ANGPTL3: variants seen among roughly 807,000 people sequenced by gnomAD.
ANGPTL3 encodes angiopoietin-related protein 3.
ANGPTL3 carries 51 observed loss-of-function variants against 52.7 expected under a neutral mutation model. The observed-to-expected ratio is 0.97, with a 90% CI of 0.77 to 1.22. ANGPTL3 has a LOEUF of 1.22. ANGPTL3 is among the 50% of genes most tolerant of loss of function. The pLI is 0.00. For synonymous variants in ANGPTL3, 185 were observed against 179.8 expected (o/e 1.03, Z -0.23); for missense variants, 506 against 520.7 (o/e 0.97, Z 0.27).
At chr1:62,600,191 C>A (rs1649905437) in intron 2 of ANGPTL3, among the ~76,000 whole-genome samples, 1 of 151,590 alleles carries the variant, frequency 6.6e-6, no homozygotes, top group Non-Finnish European at 1.5e-5. Context: ...TAGTAATATA[C>A]ATTGTGTCTA....
intron 1 of ANGPTL3, among the ~76,000 whole-genome samples, chr1:62,598,324 C>T (rs888263142): frequency 1.3e-5 from 2 of 151,674 alleles, no homozygotes; most frequent in Admixed American, 6.6e-5. Flanking sequence ...ATCTAGAACA[C>T]TATGTCATTA....
chr1:62,598,169 AC>A (rs1649571794), intron 1 of ANGPTL3, 108 bp downstream of exon 1: 3 of 1,080,718 alleles, frequency 2.8e-6, no homozygotes, highest in Admixed American at 6.1e-5. Context: ...TTGTTGAAAT[AC>A]TTTTTTTTCC....
At chr1:62,599,721 C>T (rs1050523095) in intron 2 of ANGPTL3, among the ~76,000 whole-genome samples, 2 of 151,878 alleles carry the variant, frequency 1.3e-5, no homozygotes, top group African/African-American at 4.8e-5. Flanking sequence ...GAAGCGTGTG[C>T]TATGATTATT....
intron 4 of ANGPTL3, 52 bp downstream of exon 4, chr1:62,601,934 C>T (rs752008847): frequency 1.7e-5 from 19 of 1,130,528 alleles, no homozygotes; most frequent in East Asian, 7.1e-5. Context: ...TTACTCATTA[C>T]GTATTAGGAA....
intron 2 of ANGPTL3, 73 bp from the exon 3 acceptor site, chr1:62,601,009 C>A: frequency 1.1e-6 from 1 of 873,864 alleles, no homozygotes. Context: ...GTACTTCTGA[C>A]ATCCTTACTC....
Position 62,603,956 on chromosome 1 carries a change from CT to C in ANGPTL3, c.932-9del, listed in dbSNP as rs1650538121. 1.2e-6 allele frequency: 2 copies of C among 1,611,626 alleles called. No individual in the cohort carries two copies. The highest frequency in any genetic ancestry group is 1.7e-6 in the Non-Finnish European group (2 of 1,178,446). On this transcript the variant is annotated splice_polypyrimidine_tract_variant and intron_variant, in intron 5 of 6. Coordinates refer to ENST00000371129, the MANE Select transcript of ANGPTL3 (RefSeq NM_014495.4). ...CTTAATAACTCACAGATTTTTAAAA[CT>C]TTTCTTTTCAGGAGAATTTTGGTTG...
chr1:62,600,533 A>T (rs1394852226), intron 2 of ANGPTL3, among the ~76,000 whole-genome samples: 1 of 151,858 alleles, frequency 6.6e-6, no homozygotes. Flanking sequence ...TTAAATAAAA[A>T]TAAAATGTTA....
In ANGPTL3 at chr1:62,604,216, C is replaced by G; in HGVS notation, c.1179C>G (p.Asn393Lys). The G allele has an allele frequency of 6.2e-7, 1 of 1,613,266 alleles. No individual in the cohort carries two copies. Among genetic ancestry groups the G allele is most frequent in the Non-Finnish European group, 8.5e-7 (1 of 1,179,336 alleles). Reference protein sequence around the residue: ...TWDHKAKGHFNCPEGYSGGWW... With the variant: ...TWDHKAKGHFKCPEGYSGGWW... ...ATCACAAAGCAAAAGGACACTTCAA[C>G]TGTCCAGAGGGTTATTCAGGTATCT... The change falls in exon 6 of 7, where the codon AAC becomes AAG. Residue 393 changes from asparagine (N) to lysine (K), a missense_variant. By Grantham distance (94) the Asn-to-Lys change is moderately conservative (BLOSUM62 0). Coordinates refer to ENST00000371129, the MANE Select transcript of ANGPTL3 (RefSeq NM_014495.4).
chr1:62,604,141 T>C lies in ANGPTL3; in HGVS notation c.1104T>C (p.Asn368=), dbSNP rs777246274. The C allele has an allele frequency of 1.8e-5, 29 of 1,613,448 alleles. No homozygotes were observed. The highest frequency in any genetic ancestry group is 2.4e-5 in the Non-Finnish European group (28 of 1,179,494). Residue 368 remains asparagine (N), a synonymous_variant, in exon 6 of 7, where the codon AAT becomes AAC. Transcript: ENST00000371129. ...YTLHLVAITG[N]VPNAIPENKD... ...TACATCTAGTTGCGATTACTGGCAA[T>C]GTCCCCAATGCAATCCCGGAAAACA...
At chr1:62,603,303 T>A (rs1650429021) in intron 5 of ANGPTL3, among the ~76,000 whole-genome samples, 1 of 151,730 alleles carries the variant, frequency 6.6e-6, no homozygotes, top group South Asian at 2.1e-4. Context: ...ATAGTGAATG[T>A]TTAATGAAAA....
Position 62,604,866 on chromosome 1 carries a change from AGTTAATGTG to A in ANGPTL3, c.*52_*60del, listed in dbSNP as rs34483103. ...TAATTTAAACATTAACCTCATTCCA[AGTTAATGTG>A]GTCTAATAATCTGGTATTAAATCCT... is the stretch of plus-strand genomic sequence containing the variant. On this transcript the variant is annotated 3_prime_UTR_variant, in exon 7 of 7. Transcript: ENST00000371129. 535,812 of 1,562,448 alleles carry A rather than the reference AGTTAATGTG, an allele frequency of 0.34. 94,146 individuals carry two copies. The highest frequency in any genetic ancestry group is 0.43 in the South Asian group (38,869 of 89,534).
chr1:62,598,845 C>T (rs763866504), intron 2 of ANGPTL3, 39 bp downstream of exon 2: 23 of 1,255,236 alleles, frequency 1.8e-5, no homozygotes, highest in Non-Finnish European at 2.6e-5. Context: ...ATCTTTCACA[C>T]AGGTCTGTAA....
chr1:62,604,460 T>C, intron 6 of ANGPTL3, 173 bp from the exon 7 acceptor site: 1 of 899,370 alleles, frequency 1.1e-6, no homozygotes, highest in Non-Finnish European at 1.7e-6. Context: ...GTGTATAGAT[T>C]ATTTATACAG....
chr1:62,601,529 C>T (rs1229925186), intron 3 of ANGPTL3, among the ~76,000 whole-genome samples: 1 of 151,568 alleles, frequency 6.6e-6, no homozygotes, highest in Non-Finnish European at 1.5e-5. Context: ...GGACTCCAGA[C>T]TGGTGATAGA....
intron 2 of ANGPTL3, 97 bp downstream of exon 2, chr1:62,598,903 T>C: frequency 1.3e-6 from 1 of 770,900 alleles, no homozygotes; most frequent in Non-Finnish European, 2.3e-6. Context: ...GGATCATGAG[T>C]AAAATTATCA....
At chr1:62,599,900 ATATT>A (rs1649856983) in intron 2 of ANGPTL3, among the ~76,000 whole-genome samples, 1 of 152,012 alleles carries the variant, frequency 6.6e-6, no homozygotes, top group Admixed American at 6.6e-5. Flanking sequence ...TAGTTTAAAA[ATATT>A]AATAATACTC....
rs1650803013 is a variant in ANGPTL3 at position 62,605,185 on chromosome 1, TA to T, written c.*374del. On this transcript the variant is annotated 3_prime_UTR_variant, in exon 7 of 7. Transcript: ENST00000371129. ...AGCTAATATCACAACTTTCCCAGTT[TA>T]AAAAACTAGTACTCTTGTTAAAACT... 4 of 204,670 alleles carry T rather than the reference TA, an allele frequency of 2.0e-5. No individual in the cohort carries two copies. The South Asian group carries it at 3.4e-4, about 17-fold the overall frequency. The allele number at this position is 204,670 out of a possible 1,614,324, so 12.7% of individuals were successfully genotyped here.
chr1:62,602,999 C>T (rs1650383325), intron 5 of ANGPTL3, among the ~76,000 whole-genome samples: 1 of 151,632 alleles, frequency 6.6e-6, no homozygotes. Context: ...TAAGTACTCA[C>T]TTATAAAGTA....
chr1:62,603,161 C>A (rs1335444423), intron 5 of ANGPTL3, among the ~76,000 whole-genome samples: 2 of 151,562 alleles, frequency 1.3e-5, no homozygotes, highest in Non-Finnish European at 3.0e-5. Flanking sequence ...GTGAGTGTAA[C>A]CCCAAAATAA....
Sources: gnomAD v4.1 joint callset for allele counts (sites outside exome capture counted in the v4.1 genomes callset) on GRCh38, gnomAD v4.1.1 for gene constraint, MANE v1.5 for transcripts, NCBI Gene and HGNC (gene_info 2026-07-23, HGNC 2026-07-21) for gene names.